TMEM117: variants seen among roughly 807,000 people sequenced by gnomAD.
TMEM117 encodes transmembrane protein 117.
TMEM117 carries 27 observed loss-of-function variants against 52.4 expected under a neutral mutation model. The observed-to-expected ratio is 0.51, with a 90% CI of 0.38 to 0.71. The LOEUF (loss-of-function observed/expected upper bound fraction) is 0.71. Ranked by LOEUF, TMEM117 falls within the 30% of genes least tolerant of loss-of-function variation. TMEM117 has a pLI of 0.00. For missense variants in TMEM117, 556 were observed against 630.5 expected, an observed-to-expected ratio of 0.88 and a Z score of 1.26; for synonymous variants, 215 against 206.3, an observed-to-expected ratio of 1.04 and a Z score of -0.36.
At chr12:44,348,397 G>A (rs933549324) in intron 6 of TMEM117, among the ~76,000 whole-genome samples, 1 of 151,516 alleles carries the variant, frequency 6.6e-6, no homozygotes, top group Non-Finnish European at 1.5e-5. Flanking sequence ...GACCCTTCCT[G>A]CCATCATCAC....
At chr12:44,092,042 C>G (rs1160724843) in intron 3 of TMEM117, among the ~76,000 whole-genome samples, 1 of 152,138 alleles carries the variant, frequency 6.6e-6, no homozygotes, top group Non-Finnish European at 1.5e-5. Context: ...CCATGTGACA[C>G]AAGAAGATAC....
chr12:44,354,743 C>A (rs927310185), intron 6 of TMEM117, among the ~76,000 whole-genome samples: 3 of 151,830 alleles, frequency 2.0e-5, no homozygotes, highest in Non-Finnish European at 4.4e-5. Flanking sequence ...GAAGCATTCC[C>A]TTTGAAAACT....
chr12:44,354,515 T>TA (rs1174593625), intron 6 of TMEM117, among the ~76,000 whole-genome samples: 2 of 152,016 alleles, frequency 1.3e-5, no homozygotes, highest in Admixed American at 6.6e-5. Context: ...TGGTTCAACA[T>TA]ACAAAAATCA....
intron 4 of TMEM117, among the ~76,000 whole-genome samples, chr12:44,193,244 C>A (rs975287844): frequency 1.3e-5 from 2 of 152,068 alleles, no homozygotes; most frequent in Non-Finnish European, 2.9e-5. Context: ...ATACAGTGGA[C>A]AAGATAACCA....
At chr12:44,136,052 T>C (rs1948485836) in intron 3 of TMEM117, among the ~76,000 whole-genome samples, 1 of 152,216 alleles carries the variant, frequency 6.6e-6, no homozygotes, top group Non-Finnish European at 1.5e-5. Context: ...TTTACAATAA[T>C]AAAAACTTAT....
At chr12:43,946,769 A>G (rs772008093) in intron 3 of TMEM117, among the ~76,000 whole-genome samples, 1 of 152,190 alleles carries the variant, frequency 6.6e-6, no homozygotes, top group Non-Finnish European at 1.5e-5. Context: ...TTATTATTCA[A>G]GCTGAATTTG....
At chr12:44,056,661 A>G (rs369307530) in intron 3 of TMEM117, among the ~76,000 whole-genome samples, 1 of 152,134 alleles carries the variant, frequency 6.6e-6, no homozygotes, top group South Asian at 2.1e-4. Context: ...GTGACTTGGG[A>G]GGAAAAACCA....
chr12:43,801,395 G>A, the TMEM117 span, among the ~76,000 whole-genome samples: 2 of 152,062 alleles, frequency 1.3e-5, no homozygotes, highest in East Asian at 3.8e-4. Context: ...AGAACATGGG[G>A]AATTAAAGAG....
At chr12:44,122,926 C>T (rs1032673360) in intron 3 of TMEM117, among the ~76,000 whole-genome samples, 2 of 152,172 alleles carry the variant, frequency 1.3e-5, no homozygotes, top group Admixed American at 6.5e-5. Context: ...GGTATGTACC[C>T]AGTAATGAGA....
At chr12:44,187,950 A>G (rs1949300044) in intron 4 of TMEM117, among the ~76,000 whole-genome samples, 2 of 152,176 alleles carry the variant, frequency 1.3e-5, no homozygotes, top group Admixed American at 1.3e-4. Context: ...ATGAAATAAC[A>G]GCTTTTTTCA....
intron 5 of TMEM117, among the ~76,000 whole-genome samples, chr12:44,298,104 G>C (rs1950791674): frequency 6.9e-6 from 1 of 145,786 alleles, no homozygotes; most frequent in Admixed American, 6.7e-5. Flanking sequence ...AAAAACATAA[G>C]AAGTGTTTCT....
chr12:44,173,262 A>G (rs1949073491), intron 4 of TMEM117, among the ~76,000 whole-genome samples: 1 of 152,062 alleles, frequency 6.6e-6, no homozygotes, highest in Non-Finnish European at 1.5e-5. Context: ...TTTTTAGTAG[A>G]GACAAGGTTT....
chr12:44,190,211 A>G (rs1222014901), intron 4 of TMEM117, among the ~76,000 whole-genome samples: 1 of 152,236 alleles, frequency 6.6e-6, no homozygotes, highest in East Asian at 1.9e-4. Context: ...GTTTTGGGAA[A>G]GGCAACTTTG....
At chr12:44,341,179 A>T (rs1382095668) in intron 6 of TMEM117, among the ~76,000 whole-genome samples, 1 of 151,340 alleles carries the variant, frequency 6.6e-6, no homozygotes, top group Admixed American at 6.6e-5. Context: ...AGAAAAAAAA[A>T]ATTTTAAAGT....
At chr12:43,798,531 A>C in the TMEM117 span, 1 of 1,495,618 alleles carries the variant, frequency 6.7e-7, no homozygotes, top group Non-Finnish European at 8.8e-7. Context: ...ATATTGGTTA[A>C]TGAAAACATC....
intron 3 of TMEM117, among the ~76,000 whole-genome samples, chr12:44,096,611 G>A (rs1386628584): frequency 6.6e-6 from 1 of 151,288 alleles, no homozygotes. Flanking sequence ...CAAGCAATGG[G>A]GAAAGGATTC....
intron 3 of TMEM117, chr12:44,008,492 A>C (rs190394275): frequency 6.0e-6 from 1 of 166,240 alleles, no homozygotes; most frequent in Admixed American, 6.5e-5. Flanking sequence ...GACAGCTTAG[A>C]TTCCTTTTTC....
intron 4 of TMEM117, among the ~76,000 whole-genome samples, chr12:44,184,811 T>C (rs1227305790): frequency 6.6e-6 from 1 of 152,226 alleles, no homozygotes; most frequent in African/African-American, 2.4e-5. Flanking sequence ...AACTGTGAGC[T>C]AGAAAATGCA....
In TMEM117 at chr12:43,938,560, T is replaced by C. The variant is rs542080523; in HGVS notation, c.278-5650T>C. Among the ~76,000 whole-genome samples, 225 of 152,000 alleles carry C rather than the reference T, an allele frequency of 1.5e-3. 1 individual carries two copies. The highest frequency in any genetic ancestry group is 5.4e-3 in the African/African-American group (222 of 41,472). ...AGGATAAGACGCCACACTGAGGAAA[T>C]GGAGCTGGGAAATAGAGATTAATCA... On this transcript the variant is annotated intron_variant, in intron 2 of 7. Coordinates refer to ENST00000266534, the MANE Select transcript of TMEM117 (RefSeq NM_032256.3).
Sources: allele counts gnomAD v4.1 joint callset (sites outside exome capture counted in the v4.1 genomes callset), GRCh38; gene constraint gnomAD v4.1.1; transcripts MANE v1.5; gene names NCBI Gene and HGNC (gene_info 2026-07-23, HGNC 2026-07-21).